The following SYNPO2 variants were observed in gnomAD, a reference collection of about 807,000 sequenced individuals.
SYNPO2 encodes the protein synaptopodin 2.
SYNPO2 carries 56 observed loss-of-function variants against 85.0 expected under a neutral mutation model. The observed-to-expected ratio is 0.66, with a 90% confidence interval of 0.53 to 0.82. The LOEUF is 0.82. Ranked by LOEUF, SYNPO2 falls within the 40% of genes least tolerant of loss-of-function variation. SYNPO2 has a pLI of 0.00. For missense variants in SYNPO2, 1,575 were observed against 1,534.2 expected (o/e 1.03, Z -0.44); for synonymous variants, 602 against 591.1 (o/e 1.02, Z -0.27).
At chr4:118,852,443 G>A (rs1374019678) in intron 1 of SYNPO2, among the ~76,000 whole-genome samples, 2 of 152,046 alleles carry the variant, frequency 1.3e-5, no homozygotes, top group Admixed American at 1.3e-4. Context: ...AGCAGTATTC[G>A]CAATAGCAAA....
At chr4:118,912,225 A>T (rs1733161678) in intron 1 of SYNPO2, among the ~76,000 whole-genome samples, 1 of 152,240 alleles carries the variant, frequency 6.6e-6, no homozygotes, top group Non-Finnish European at 1.5e-5. Flanking sequence ...CTGGTTGCCC[A>T]GGCCGGAGTG....
intron 4 of SYNPO2, chr4:119,038,353 G>A: frequency 1.0e-6 from 1 of 969,014 alleles, no homozygotes; most frequent in Non-Finnish European, 1.2e-6. Flanking sequence ...TGAGAAAGAA[G>A]CATCTGTTTT....
At position 119,023,444 on chromosome 4, in the gene SYNPO2, C is replaced by G; in HGVS notation, c.120C>G (p.Ser40Arg). 1 of 1,611,112 alleles carries G rather than the reference C, an allele frequency of 6.2e-7. No homozygotes were observed. The highest frequency in any genetic ancestry group is 1.1e-5 in the South Asian group (1 of 90,408). ...ACTCCACTCAGATTCGAAATCAGAGCAAAGCCTCTGGGTCTGGGCTCTGTG... is the reference window on the plus strand; with the variant it reads ...ACTCCACTCAGATTCGAAATCAGAGGAAAGCCTCTGGGTCTGGGCTCTGTG... Reference protein sequence around the residue: ...PLQVAKIRNQSKASGSGLCEG... With the variant: ...PLQVAKIRNQRKASGSGLCEG... The change falls in exon 2 of 5, where the codon AGC becomes AGG. Residue 40 changes from serine (S) to arginine (R), a missense_variant. Ser to Arg is a moderately radical substitution (Grantham distance 110, BLOSUM62 -1). Transcript: ENST00000307142.
chr4:119,044,235 G>A (rs574000394), intron 4 of SYNPO2, among the ~76,000 whole-genome samples: 1 of 152,224 alleles, frequency 6.6e-6, no homozygotes, highest in Admixed American at 6.5e-5. Context: ...GCACATGATC[G>A]TGACCATCAT....
chr4:118,967,860 C>CAAA (rs34878457), intron 1 of SYNPO2, among the ~76,000 whole-genome samples: 102 of 145,306 alleles, frequency 7.0e-4, no homozygotes, highest in African/African-American at 2.5e-3. Flanking sequence ...ATCTTTATAC[C>CAAA]AAAAAAAAAA....
At chr4:118,988,271 A>G (rs749008333) in intron 1 of SYNPO2, among the ~76,000 whole-genome samples, 1 of 150,670 alleles carries the variant, frequency 6.6e-6, no homozygotes, top group East Asian at 1.9e-4. Context: ...AGGTTTTAAT[A>G]TTGTACACTG....
chr4:118,885,477 T>C (rs1193125769), upstream of SYNPO2, among the ~76,000 whole-genome samples: 1 of 151,266 alleles, frequency 6.6e-6, no homozygotes, highest in African/African-American at 2.4e-5. Context: ...GTCTTTTTTT[T>C]TTTTTTTCTT....
chr4:118,889,733 T>C (rs1335200581), intron 1 of SYNPO2, among the ~76,000 whole-genome samples: 2 of 152,270 alleles, frequency 1.3e-5, no homozygotes, highest in Non-Finnish European at 2.9e-5. Context: ...TTCCTTCTTA[T>C]GTACTCTTTT....
chr4:118,978,149 C>T (rs565058720), intron 1 of SYNPO2, among the ~76,000 whole-genome samples: 51 of 152,256 alleles, frequency 3.3e-4, no homozygotes, highest in African/African-American at 1.2e-3. Context: ...TTTCTAGTTG[C>T]AACTTGCTTC....
intron 1 of SYNPO2, among the ~76,000 whole-genome samples, chr4:118,993,220 G>T (rs985135418): frequency 6.6e-6 from 1 of 152,084 alleles, no homozygotes; most frequent in South Asian, 2.1e-4. Context: ...ATGTGTATTT[G>T]TGTGTGTTTG....
At chr4:118,967,079 C>A (rs558636231) in intron 1 of SYNPO2, among the ~76,000 whole-genome samples, 1 of 152,136 alleles carries the variant, frequency 6.6e-6, no homozygotes, top group Non-Finnish European at 1.5e-5. Context: ...TCTATGAATT[C>A]TTATAACAAC....
chr4:119,038,708 C>T (rs1738613236), intron 4 of SYNPO2, among the ~76,000 whole-genome samples: 1 of 152,150 alleles, frequency 6.6e-6, no homozygotes, highest in Admixed American at 6.5e-5. Context: ...TCAGACTACA[C>T]TCTGAAAAAG....
chr4:118,898,957 G>T (rs1397836812), intron 1 of SYNPO2, among the ~76,000 whole-genome samples: 1 of 152,196 alleles, frequency 6.6e-6, no homozygotes, highest in African/African-American at 2.4e-5. Context: ...TGGAGAAATT[G>T]TACTTACCCT....
intron 1 of SYNPO2, among the ~76,000 whole-genome samples, chr4:118,876,725 C>G (rs1158634764): frequency 2.5e-5 from 3 of 119,958 alleles, no homozygotes; most frequent in Non-Finnish European, 5.3e-5. Context: ...TTCTTTCTTT[C>G]TTTCTTTCTT....
chr4:118,944,545 C>T (rs1442453846), intron 1 of SYNPO2, among the ~76,000 whole-genome samples: 1 of 152,106 alleles, frequency 6.6e-6, no homozygotes, highest in Non-Finnish European at 1.5e-5. Context: ...CACTCACTGA[C>T]TGTTAACGCT....
chr4:118,945,750 T>C (rs1411801333), intron 1 of SYNPO2, among the ~76,000 whole-genome samples: 2 of 148,798 alleles, frequency 1.3e-5, no homozygotes, highest in African/African-American at 4.9e-5. Context: ...CTTTTTTTAT[T>C]TTTTGTTTTT....
chr4:118,952,588 C>G (rs1055565149), intron 1 of SYNPO2, among the ~76,000 whole-genome samples: 108 of 152,082 alleles, frequency 7.1e-4, no homozygotes, highest in African/African-American at 2.5e-3. Context: ...TCTAGTAAGA[C>G]AGGTAAAATT....
intron 1 of SYNPO2, among the ~76,000 whole-genome samples, chr4:118,969,523 T>C (rs1044016521): frequency 1.3e-5 from 2 of 152,296 alleles, no homozygotes; most frequent in South Asian, 2.1e-4. Context: ...TTATATCCCA[T>C]TGGAGAAGGC....
chr4:119,030,397 A>G lies in SYNPO2; in HGVS notation c.1622A>G (p.Glu541Gly). The stretch of plus-strand genomic sequence containing the variant: ...ACGACTTCTTACCAAAGAAAGGAGG[A>G]AGAGTCGGTAAGAACGCAGAGCTCT... ...RTTTSYQRKE[E>G]ESVRTQSSVS... The change falls in exon 4 of 5, where the codon GAA (glutamate) becomes GGA (glycine). Residue 541 changes from glutamate to glycine, a missense_variant. Transcript: ENST00000307142. 6.2e-7 allele frequency: 1 copy of G among 1,614,190 alleles called. No individual in the cohort carries two copies. The highest frequency in any genetic ancestry group is 1.3e-5 in the African/African-American group (1 of 75,042).
Sources: allele counts gnomAD v4.1 joint callset (sites outside exome capture counted in the v4.1 genomes callset), GRCh38; gene constraint gnomAD v4.1.1; transcripts MANE v1.5; gene names NCBI Gene and HGNC (gene_info 2026-07-23, HGNC 2026-07-21).